MNAT1: variants seen among roughly 807,000 people sequenced by gnomAD.
MNAT1 encodes the protein CDK-activating kinase assembly factor MAT1.
Under a neutral mutation model 42.0 loss-of-function variants are expected in MNAT1, and 43 were observed. The observed-to-expected ratio is 1.02, with a 90% confidence interval of 0.80 to 1.32. The LOEUF (loss-of-function observed/expected upper bound fraction) is 1.32, where lower values mean the gene tolerates loss of function less well. MNAT1 is among the 40% of genes most tolerant of loss of function. The probability of loss-of-function intolerance (pLI) is 0.00; values close to 1 mark genes in which losing one functional copy is unlikely to be tolerated. For missense variants in MNAT1, 306 were observed against 350.4 expected, an observed-to-expected ratio of 0.87 and a Z score of 1.01; for synonymous variants, 118 against 120.0, an observed-to-expected ratio of 0.98 and a Z score of 0.11.
chr14:60,808,351 T>C lies in MNAT1; in HGVS notation c.343T>C (p.Leu115=), dbSNP rs1331498705. The C allele has an allele frequency of 6.3e-7, 1 of 1,582,536 alleles. No individual in the cohort carries two copies. Among genetic ancestry groups the C allele is most frequent in the Non-Finnish European group, 8.6e-7 (1 of 1,169,272 alleles). The change falls in exon 4 of 8, where the codon TTG becomes CTG. Residue 115 remains leucine, a synonymous_variant. Transcript: ENST00000261245. ...TTTCAACTTGACCAACAATGTGGAT[T>C]TGGACAACACCAAAAAGAAAATGGA... ...IVFNLTNNVD[L]DNTKKKMEIY...
chr14:60,895,793 G>T (rs894047662), intron 7 of MNAT1, among the ~76,000 whole-genome samples: 1 of 151,992 alleles, frequency 6.6e-6, no homozygotes, highest in Non-Finnish European at 1.5e-5. Context: ...CAAAACAAAA[G>T]AAATCATCTC....
At chr14:60,902,956 T>C (rs576055142) in intron 7 of MNAT1, among the ~76,000 whole-genome samples, 62 of 151,844 alleles carry the variant, frequency 4.1e-4, no homozygotes, top group African/African-American at 1.4e-3. Flanking sequence ...TGAAAAAAAA[T>C]TTTTTTTCTT....
rs530733406 is a variant in MNAT1, at chr14:60,915,944, G to C, written c.809+36109G>C. Among the ~76,000 whole-genome samples the C allele has an allele frequency of 6.6e-5, 10 of 152,312 alleles. No individual in the cohort carries two copies. The South Asian group carries it at 1.5e-3, about 22-fold the overall frequency. On this transcript the variant is annotated intron_variant, in intron 7 of 7. Coordinates refer to ENST00000261245, the MANE Select transcript of MNAT1 (RefSeq NM_002431.4). ...CATCGGTTCCCAGCTCTGCATACCA[G>C]AGCGGGAGAGGAGTTGCAAGACACA...
At chr14:60,906,322 G>A (rs886646316) in intron 7 of MNAT1, among the ~76,000 whole-genome samples, 5 of 152,166 alleles carry the variant, frequency 3.3e-5, no homozygotes, top group Non-Finnish European at 7.3e-5. Context: ...TACTTTGAAG[G>A]AGATGCGAAG....
intron 1 of MNAT1, among the ~76,000 whole-genome samples, chr14:60,777,395 GACA>G (rs1451762117): frequency 1.3e-5 from 2 of 151,918 alleles, no homozygotes; most frequent in Non-Finnish European, 2.9e-5. Flanking sequence ...GACCAGCTTG[GACA>G]ACACAGCAAG....
At chr14:60,931,677 A>G (rs1003537812) in intron 7 of MNAT1, among the ~76,000 whole-genome samples, 4 of 152,280 alleles carry the variant, frequency 2.6e-5, no homozygotes, top group African/African-American at 9.6e-5. Context: ...TTTAATATGT[A>G]AGACCCTTAA....
chr14:60,760,893 C>T (rs185655972), intron 1 of MNAT1, among the ~76,000 whole-genome samples: 4 of 152,180 alleles, frequency 2.6e-5, no homozygotes, highest in Admixed American at 2.6e-4. Context: ...TATTGATTTT[C>T]ATGATGGTAG....
chr14:60,818,722 G>T lies in MNAT1; in HGVS notation c.562G>T (p.Glu188Ter). The T allele has an allele frequency of 6.3e-7, 1 of 1,596,734 alleles. No individual in the cohort carries two copies. The highest frequency in any genetic ancestry group is 8.5e-7 in the Non-Finnish European group (1 of 1,170,536). ...KNKQAFLDELESSDLPVALLL... is the reference protein window; with the variant it reads ...KNKQAFLDEL ...TATTGAACTTGAACTATTCTTACAG[G>T]AGAGTTCTGATCTCCCTGTTGCTCT... The change falls in exon 6 of 8, where the codon GAG (glutamate) becomes TAG (stop). Residue 188 changes from glutamate (E) to a stop codon, truncating the protein, a stop_gained and splice_region_variant. Transcript: ENST00000261245. LOFTEE classifies it high-confidence loss of function.
Position 60,841,309 on chromosome 14 carries a change from C to T in MNAT1, c.687+22462C>T, listed in dbSNP as rs956266409. ...ACTTTAGGTGGCTGCTATTATTAAG[C>T]CTTCAATTTCAGTGATCTTCTGTAG... On this transcript the variant is annotated intron_variant, in intron 6 of 7. Transcript: ENST00000261245. Among the ~76,000 whole-genome samples, 5 of 151,748 alleles carry T rather than the reference C, an allele frequency of 3.3e-5. No individual in the cohort carries two copies. The East Asian group carries it at 9.7e-4, about 29-fold the overall frequency.
At chr14:60,854,226 T>G (rs146557932) in intron 6 of MNAT1, among the ~76,000 whole-genome samples, 1 of 152,316 alleles carries the variant, frequency 6.6e-6, no homozygotes, top group African/African-American at 2.4e-5. Context: ...TTTTTAACTT[T>G]CTTGCATTGA....
intron 6 of MNAT1, among the ~76,000 whole-genome samples, chr14:60,853,956 T>G (rs1443092601): frequency 6.6e-6 from 1 of 152,158 alleles, no homozygotes; most frequent in Non-Finnish European, 1.5e-5. Context: ...TTCCTGGGCT[T>G]TTTTCACATA....
chr14:60,929,071 T>G (rs2035824363), intron 7 of MNAT1, among the ~76,000 whole-genome samples: 1 of 145,744 alleles, frequency 6.9e-6, no homozygotes, highest in Admixed American at 7.0e-5. Context: ...CACTTGAACC[T>G]GGGAGGCAGA....
chr14:60,924,012 T>C (rs1055508036), intron 7 of MNAT1, among the ~76,000 whole-genome samples: 2 of 152,174 alleles, frequency 1.3e-5, no homozygotes, highest in Non-Finnish European at 2.9e-5. Flanking sequence ...TCCCTGGCAC[T>C]TGAACACTAA....
At chr14:60,815,850 A>G (rs2032698369) in intron 5 of MNAT1, among the ~76,000 whole-genome samples, 1 of 152,192 alleles carries the variant, frequency 6.6e-6, no homozygotes, top group South Asian at 2.1e-4. Context: ...TCTGGTTTTC[A>G]TTTTTAAACT....
chr14:60,763,528 C>G (rs1415630124), intron 1 of MNAT1, among the ~76,000 whole-genome samples: 1 of 152,054 alleles, frequency 6.6e-6, no homozygotes, highest in South Asian at 2.1e-4. Flanking sequence ...TATTGGACTC[C>G]ATTGTAATTT....
chr14:60,829,094 C>G (rs2033145005), intron 6 of MNAT1, among the ~76,000 whole-genome samples: 1 of 152,046 alleles, frequency 6.6e-6, no homozygotes, highest in South Asian at 2.1e-4. Context: ...CCTCCTGCCC[C>G]TCACCTCTTT....
chr14:60,869,958 T>A (rs1271418877), intron 6 of MNAT1, among the ~76,000 whole-genome samples: 1 of 152,202 alleles, frequency 6.6e-6, no homozygotes, highest in African/African-American at 2.4e-5. Flanking sequence ...ATATTTGTAG[T>A]GTATAGATTA....
intron 6 of MNAT1, among the ~76,000 whole-genome samples, chr14:60,863,416 T>C (rs1212783490): frequency 6.6e-6 from 1 of 152,140 alleles, no homozygotes; most frequent in Non-Finnish European, 1.5e-5. Flanking sequence ...TAGTAATCTT[T>C]AGAATGTGCT....
At chr14:60,878,392 G>T (rs1372910824) in intron 6 of MNAT1, among the ~76,000 whole-genome samples, 1 of 151,908 alleles carries the variant, frequency 6.6e-6, no homozygotes, top group Non-Finnish European at 1.5e-5. Context: ...TTGAGGTTAG[G>T]AAACAAAAAG....
Sources: gnomAD v4.1 joint callset for allele counts (sites outside exome capture counted in the v4.1 genomes callset) on GRCh38, gnomAD v4.1.1 for gene constraint, MANE v1.5 for transcripts, NCBI Gene and HGNC (gene_info 2026-07-23, HGNC 2026-07-21) for gene names.